The following EBF1 variants were observed in gnomAD, a reference collection of about 807,000 sequenced individuals.
The protein encoded by EBF1 is EBF transcription factor 1.
A neutral mutation model predicts 68.4 loss-of-function variants in EBF1; 10 were observed. The ratio of observed to expected loss-of-function variants is 0.15; its 90% CI spans 0.09 to 0.25. EBF1 has a LOEUF of 0.25. Among genes scored for constraint, EBF1 ranks in the 10% least tolerant of loss-of-function variants. The pLI is 1.00. For missense variants in EBF1, 509 were observed against 794.4 expected (o/e 0.64, Z 4.32); for synonymous variants, 298 against 299.8 (o/e 0.99, Z 0.06).
intron 6 of EBF1, among the ~76,000 whole-genome samples, chr5:158,939,433 T>C (rs992061395): frequency 3.3e-5 from 5 of 152,160 alleles, no homozygotes; most frequent in African/African-American, 1.2e-4. Flanking sequence ...GTGAAGATGA[T>C]GACCAGAAAA....
intron 1 of EBF1, among the ~76,000 whole-genome samples, chr5:159,098,024 A>T (rs1782964599): frequency 6.6e-6 from 1 of 151,536 alleles, no homozygotes; most frequent in Non-Finnish European, 1.5e-5. Context: ...ACTACCACCC[A>T]CCCCCATCCT....
chr5:158,948,067 T>C (rs1471264433), intron 6 of EBF1, among the ~76,000 whole-genome samples: 2 of 152,210 alleles, frequency 1.3e-5, no homozygotes, highest in Non-Finnish European at 2.9e-5. Flanking sequence ...TCCTAAGAAC[T>C]ATTCTGGAAG....
At chr5:158,940,189 C>G (rs1262285438) in intron 6 of EBF1, among the ~76,000 whole-genome samples, 3 of 152,212 alleles carry the variant, frequency 2.0e-5, no homozygotes, top group African/African-American at 7.2e-5. Flanking sequence ...AGCCAAGGAG[C>G]TGGGTGTGAT....
intron 6 of EBF1, among the ~76,000 whole-genome samples, chr5:158,935,881 A>G (rs755128050): frequency 8.5e-5 from 13 of 152,238 alleles, no homozygotes; most frequent in Non-Finnish European, 1.8e-4. Context: ...AGGTTTTTCA[A>G]ATAAGTAGAT....
intron 11 of EBF1, among the ~76,000 whole-genome samples, chr5:158,727,726 G>T (rs1763279934): frequency 1.3e-5 from 2 of 152,206 alleles, no homozygotes; most frequent in African/African-American, 4.8e-5. Flanking sequence ...TACAGAGCAG[G>T]ATTCCGCTTG....
intron 4 of EBF1, among the ~76,000 whole-genome samples, chr5:159,093,957 A>G (rs1456333916): frequency 2.0e-5 from 3 of 149,722 alleles, no homozygotes; most frequent in South Asian, 4.2e-4. Context: ...AAATACACAT[A>G]GAGTATGTCT....
intron 8 of EBF1, among the ~76,000 whole-genome samples, chr5:158,817,578 CT>C (rs1784016137): frequency 6.6e-6 from 1 of 152,170 alleles, no homozygotes; most frequent in Non-Finnish European, 1.5e-5. Flanking sequence ...ACATAAACTC[CT>C]TTTCCTCAAA....
intron 10 of EBF1, 104 bp from the exon 11 acceptor site, chr5:158,731,261 C>A: frequency 9.5e-7 from 1 of 1,052,852 alleles, no homozygotes; most frequent in Admixed American, 2.2e-5. Flanking sequence ...CAAAGTTTAA[C>A]TGATACTTTT....
chr5:158,946,889 G>A (rs1814861160), intron 6 of EBF1, among the ~76,000 whole-genome samples: 2 of 152,252 alleles, frequency 1.3e-5, no homozygotes, highest in African/African-American at 2.4e-5. Context: ...CCTGCCCAGA[G>A]AGGAGGAATC....
intron 6 of EBF1, among the ~76,000 whole-genome samples, chr5:158,906,339 T>C (rs1804612477): frequency 6.9e-6 from 1 of 145,524 alleles, no homozygotes; most frequent in South Asian, 2.2e-4. Context: ...AGACTCCAGG[T>C]AAAATGAATG....
At chr5:158,912,370 C>A (rs960381921) in intron 6 of EBF1, among the ~76,000 whole-genome samples, 2 of 152,222 alleles carry the variant, frequency 1.3e-5, no homozygotes, top group Admixed American at 6.5e-5. Flanking sequence ...TGCATAGGTG[C>A]AGTCTTGAAC....
At chr5:158,796,259 T>C in intron 9 of EBF1, 86 bp downstream of exon 9, 4 of 1,391,518 alleles carry the variant, frequency 2.9e-6, no homozygotes, top group East Asian at 2.5e-5. Flanking sequence ...ACCACTAGAG[T>C]CTACACATTC....
chr5:158,704,318 C>A (rs1429342453), intron 15 of EBF1, among the ~76,000 whole-genome samples: 1 of 152,134 alleles, frequency 6.6e-6, no homozygotes, highest in Non-Finnish European at 1.5e-5. Flanking sequence ...GGGAGTGCTG[C>A]TGGGGAAGAG....
chr5:158,915,718 A>G (rs1807058230), intron 6 of EBF1, among the ~76,000 whole-genome samples: 1 of 152,242 alleles, frequency 6.6e-6, no homozygotes, highest in Non-Finnish European at 1.5e-5. Flanking sequence ...TAGTGCTACA[A>G]GAGAATTCTG....
At chr5:158,876,144 C>CAATAATACAAAATAT (rs1218966446) in intron 6 of EBF1, among the ~76,000 whole-genome samples, 2 of 151,988 alleles carry the variant, frequency 1.3e-5, no homozygotes, top group Non-Finnish European at 2.9e-5. Context: ...ACACTACGGC[C>CAATAATACAAAATAT]AATAATATAA....
At chr5:158,813,442 C>T (rs1419941593) in intron 8 of EBF1, among the ~76,000 whole-genome samples, 8 of 152,172 alleles carry the variant, frequency 5.3e-5, no homozygotes, top group African/African-American at 1.9e-4. Flanking sequence ...CTACCTAAGG[C>T]ACAATGGCTA....
chr5:158,933,261 G>A (rs1293950644), intron 6 of EBF1, among the ~76,000 whole-genome samples: 1 of 151,956 alleles, frequency 6.6e-6, no homozygotes, highest in Non-Finnish European at 1.5e-5. Flanking sequence ...TTTGCTAAAG[G>A]AAGCGGGGAT....
rs776402214 is a variant in EBF1 at position 158,823,230 on chromosome 5, G to A, written c.724C>T (p.Arg242Trp). The A allele has an allele frequency of 1.9e-6, 3 of 1,613,874 alleles. No individual in the cohort carries two copies. Among genetic ancestry groups the A allele is most frequent in the Non-Finnish European group, 2.5e-6 (3 of 1,179,908 alleles). ...GAGGGGTCAAGCCTCCGAGCCCTCC[G>A]CCCATGCTTGGAATTATTATGGACA... ...MFVHNNSKHG[R>W]RARRLDPSEG... Residue 242 changes from arginine (R) to tryptophan (W), a missense_variant, in exon 8 of 16, where the codon CGG (arginine) becomes TGG (tryptophan). By Grantham distance (101) the Arg-to-Trp change is moderately radical (BLOSUM62 -3). Transcript: ENST00000313708.
Position 158,823,314 on chromosome 5 carries a change from C to A in EBF1, c.640G>T (p.Val214Leu). ...TCCACATTGACTGTCGTAGACACCA[C>A]GACCTGGAGACATAAGAAAGAAATG... ...NPRDMRRFQVVVSTTVNVDGH... is the reference protein window; with the variant it reads ...NPRDMRRFQVLVSTTVNVDGH... The change falls in exon 8 of 16, where the codon GTG becomes TTG. Residue 214 changes from valine (V) to leucine (L), a missense_variant. Coordinates refer to ENST00000313708, the MANE Select transcript of EBF1 (RefSeq NM_024007.5). 1.9e-6 allele frequency: 3 copies of A among 1,605,950 alleles called. No homozygotes were observed. The highest frequency in any genetic ancestry group is 2.6e-6 in the Non-Finnish European group (3 of 1,176,158).
Sources: gnomAD v4.1 joint callset for allele counts (sites outside exome capture counted in the v4.1 genomes callset) on GRCh38, gnomAD v4.1.1 for gene constraint, MANE v1.5 for transcripts, NCBI Gene and HGNC (gene_info 2026-07-23, HGNC 2026-07-21) for gene names.